Variants in ACER3 observed in about 807,000 individuals in gnomAD.
ACER3 encodes alkaline ceramidase 3.
ACER3 carries 16 observed loss-of-function variants against 48.9 expected under a neutral mutation model. The ratio of observed to expected loss-of-function variants is 0.33; its 90% confidence interval spans 0.22 to 0.50. The LOEUF (loss-of-function observed/expected upper bound fraction) is 0.50, where lower values mean the gene tolerates loss of function less well. Ranked by LOEUF, ACER3 falls within the 20% of genes least tolerant of loss-of-function variation. ACER3 has a pLI of 0.98. For missense variants in ACER3, 227 were observed against 326.0 expected (o/e 0.70, Z 2.34); for synonymous variants, 109 against 107.8 (o/e 1.01, Z -0.07).
chr11:77,005,986 TA>T (rs1456712719), intron 7 of ACER3, among the ~76,000 whole-genome samples: 497 of 33,876 alleles, frequency 0.015, 7 homozygotes, highest in African/African-American at 0.027. Context: ...TATATATATA[TA>T]TATATTTTTT....
chr11:76,892,292 A>T (rs10751262), intron 1 of ACER3, among the ~76,000 whole-genome samples: 86,212 of 152,046 alleles, frequency 0.57, 27,842 homozygotes, highest in Non-Finnish European at 0.74. Flanking sequence ...CTTCTGCTTT[A>T]TTCTTTCTTT....
At chr11:76,917,511 C>T (rs906248716) in intron 1 of ACER3, among the ~76,000 whole-genome samples, 4 of 151,704 alleles carry the variant, frequency 2.6e-5, no homozygotes, top group Admixed American at 6.6e-5. Flanking sequence ...CTTAGGGGTT[C>T]GAGACCAGCC....
chr11:76,885,150 C>T (rs987943925), intron 1 of ACER3, among the ~76,000 whole-genome samples: 1 of 152,196 alleles, frequency 6.6e-6, no homozygotes, highest in African/African-American at 2.4e-5. Context: ...TCTTTACTTA[C>T]AACCTTTCTG....
chr11:76,986,669 T>C (rs1008094389), intron 5 of ACER3, among the ~76,000 whole-genome samples: 2 of 152,226 alleles, frequency 1.3e-5, no homozygotes, highest in East Asian at 3.8e-4. Flanking sequence ...CTGGAACATA[T>C]GGTAATTGAA....
chr11:76,924,779 AC>A (rs1946775198), intron 1 of ACER3, among the ~76,000 whole-genome samples: 1 of 151,860 alleles, frequency 6.6e-6, no homozygotes, highest in Non-Finnish European at 1.5e-5. Flanking sequence ...CAGATAGTGT[AC>A]TCTATGGTAA....
chr11:76,952,135 T>TACAC lies in ACER3; in HGVS notation c.215-6843_215-6842insCACA, dbSNP rs754396590. ...ATGTTCAGAAAAAATATTATATATA[T>TACAC]ATATACACACACACACACACACACA... is the stretch of plus-strand genomic sequence containing the variant. On this transcript the variant is annotated intron_variant, in intron 2 of 10. Transcript: ENST00000532485. Among the ~76,000 whole-genome samples the TACAC allele has an allele frequency of 1.9e-3, 274 of 143,696 alleles. 4 individuals are homozygous for TACAC. Among genetic ancestry groups the TACAC allele is most frequent in the African/African-American group, 6.5e-3 (258 of 39,536 alleles). 94.3% of individuals were successfully genotyped at this position (143,696 alleles called of 152,430 possible).
At chr11:76,897,395 A>G (rs1945959994) in intron 1 of ACER3, among the ~76,000 whole-genome samples, 1 of 152,214 alleles carries the variant, frequency 6.6e-6, no homozygotes, top group Non-Finnish European at 1.5e-5. Context: ...TTTTCTTGCC[A>G]TCATACATTA....
chr11:76,865,331 CT>C (rs1473901845), intron 1 of ACER3, among the ~76,000 whole-genome samples: 1 of 151,828 alleles, frequency 6.6e-6, no homozygotes, highest in African/African-American at 2.4e-5. Flanking sequence ...TTTGTATCAG[CT>C]TCCAAAATTT....
At chr11:76,937,698 A>G (rs1385054996) in intron 2 of ACER3, among the ~76,000 whole-genome samples, 2 of 152,128 alleles carry the variant, frequency 1.3e-5, no homozygotes, top group South Asian at 4.1e-4. Context: ...GAAACTGTCT[A>G]CTGCAGGGGG....
intron 3 of ACER3, among the ~76,000 whole-genome samples, chr11:76,975,982 C>T (rs988183213): frequency 8.9e-5 from 13 of 146,476 alleles, no homozygotes; most frequent in Middle Eastern, 3.6e-3. Flanking sequence ...CAGGCTCAAG[C>T]GATCCTTTTG....
At chr11:77,019,515 A>G (rs621669) in intron 9 of ACER3, 35 of 563,374 alleles carry the variant, frequency 6.2e-5, no homozygotes, top group African/African-American at 6.0e-4. Flanking sequence ...ATGGAACAAC[A>G]AAGCCTAGAT....
intron 1 of ACER3, among the ~76,000 whole-genome samples, chr11:76,908,995 A>C (rs1946303912): frequency 6.6e-6 from 1 of 152,216 alleles, no homozygotes; most frequent in Admixed American, 6.5e-5. Context: ...ATCTTTGACA[A>C]ACCTGACAAA....
intron 1 of ACER3, among the ~76,000 whole-genome samples, chr11:76,923,194 C>CA (rs1946731499): frequency 1.3e-5 from 2 of 150,356 alleles, no homozygotes; most frequent in South Asian, 2.1e-4. Flanking sequence ...AATTGAGATA[C>CA]AAAACAGACT....
chr11:76,931,954 T>G (rs1187056075), intron 2 of ACER3, among the ~76,000 whole-genome samples: 1 of 21,892 alleles, frequency 4.6e-5, no homozygotes, highest in Non-Finnish European at 1.1e-4. Flanking sequence ...TTGGAGTTGC[T>G]TTTTTTTTTT....
chr11:76,963,552 A>C (rs1344742406), intron 3 of ACER3, among the ~76,000 whole-genome samples: 1 of 151,230 alleles, frequency 6.6e-6, no homozygotes, highest in Non-Finnish European at 1.5e-5. Flanking sequence ...ATGAGCATAT[A>C]ATGAGGTCCT....
chr11:76,877,428 A>G (rs569497692), intron 1 of ACER3, among the ~76,000 whole-genome samples: 27 of 152,284 alleles, frequency 1.8e-4, no homozygotes, highest in Non-Finnish European at 3.1e-4. Flanking sequence ...ACAAAATGAT[A>G]AGGAGAGATT....
intron 4 of ACER3, 43 bp from the exon 5 acceptor site, chr11:76,985,600 C>T: frequency 8.0e-7 from 1 of 1,243,654 alleles, no homozygotes; most frequent in Non-Finnish European, 1.1e-6. Context: ...TATGTTCCTA[C>T]TTATATATTC....
intron 6 of ACER3, among the ~76,000 whole-genome samples, chr11:76,991,952 G>T (rs1322435470): frequency 1.3e-5 from 2 of 152,094 alleles, no homozygotes; most frequent in East Asian, 3.8e-4. Flanking sequence ...AGTTGGCCAG[G>T]CACAGCGGCT....
chr11:76,975,964 C>T lies in ACER3; in HGVS notation c.268-325C>T, dbSNP rs191252256. Among the ~76,000 whole-genome samples, 1,040 of 146,038 alleles carry T rather than the reference C, an allele frequency of 7.1e-3. 1 individual carries two copies. Among genetic ancestry groups the T allele is most frequent in the South Asian group, 0.015 (72 of 4,688 alleles). On this transcript the variant is annotated intron_variant, in intron 3 of 10. Coordinates refer to ENST00000532485, the MANE Select transcript of ACER3 (RefSeq NM_018367.7). ...GTGCAATCATGGCTCACTGCAGCCT[C>T]GACCTCTCAGGCTCAAGCGATCCTT...
Sources: gnomAD v4.1 joint callset for allele counts (sites outside exome capture counted in the v4.1 genomes callset) on GRCh38, gnomAD v4.1.1 for gene constraint, MANE v1.5 for transcripts, NCBI Gene and HGNC (gene_info 2026-07-23, HGNC 2026-07-21) for gene names.